The following CTNNA2 variants were observed in gnomAD, a reference collection of about 807,000 sequenced individuals.
The protein encoded by CTNNA2 is catenin alpha 2, also known as catenin alpha-2.
In CTNNA2, 42 loss-of-function variants were observed where a neutral mutation model predicts 101.0. That is an observed-to-expected ratio of 0.42 (90% confidence interval 0.32 to 0.54). CTNNA2 has a LOEUF of 0.54. Ranked by LOEUF, CTNNA2 falls within the 20% of genes least tolerant of loss-of-function variation. The probability of loss-of-function intolerance (pLI) is 0.14; values close to 1 mark genes in which losing one functional copy is unlikely to be tolerated. For synonymous variants in CTNNA2, 450 were observed against 456.4 expected, an observed-to-expected ratio of 0.99 and a Z score of 0.18; for missense variants, 871 against 1,223.1, an observed-to-expected ratio of 0.71 and a Z score of 4.29.
At chr2:79,946,983 TA>T (rs1008256677) in intron 7 of CTNNA2, among the ~76,000 whole-genome samples, 1 of 152,200 alleles carries the variant, frequency 6.6e-6, no homozygotes, top group African/African-American at 2.4e-5. Flanking sequence ...TAGGTGAAAA[TA>T]ATCAAATATC....
chr2:80,278,385 G>A lies in CTNNA2; in HGVS notation c.1057-114826G>A, dbSNP rs191776898. Reference sequence around the variant, plus strand: ...CAGCTGGAGAGTTCTGCTGATCTTGGGTGGGCTCTTTCATGTATTTGCCAC... The same window carrying A: ...CAGCTGGAGAGTTCTGCTGATCTTGAGTGGGCTCTTTCATGTATTTGCCAC... On this transcript the variant is annotated intron_variant, in intron 7 of 18. Transcript: ENST00000402739. 1.6e-3 allele frequency among the ~76,000 whole-genome samples: 248 copies of A among 152,074 alleles called. 1 individual carries two copies. Among genetic ancestry groups the A allele is most frequent in the Non-Finnish European group, 2.4e-3 (165 of 67,994 alleles).
At chr2:80,103,175 G>A (rs1178697724) in intron 7 of CTNNA2, among the ~76,000 whole-genome samples, 1 of 152,112 alleles carries the variant, frequency 6.6e-6, no homozygotes, top group Non-Finnish European at 1.5e-5. Flanking sequence ...CAGACTTGGG[G>A]GCTTAAAGAA....
At chr2:79,287,425 G>T (rs1300319419) in intron 2 of CTNNA2, among the ~76,000 whole-genome samples, 1 of 152,130 alleles carries the variant, frequency 6.6e-6, no homozygotes, top group Non-Finnish European at 1.5e-5. Context: ...ATGTACAGAT[G>T]GGTTTTTGGT....
intron 7 of CTNNA2, among the ~76,000 whole-genome samples, chr2:80,237,414 G>T (rs748366944): frequency 6.6e-6 from 1 of 152,236 alleles, no homozygotes; most frequent in South Asian, 2.1e-4. Context: ...TTCAACTTAC[G>T]ATGGGTGTAT....
At chr2:80,001,259 G>T (rs1692925751) in intron 7 of CTNNA2, among the ~76,000 whole-genome samples, 1 of 152,112 alleles carries the variant, frequency 6.6e-6, no homozygotes, top group African/African-American at 2.4e-5. Context: ...GTTCAGTGAA[G>T]GTGTCCAAAG....
At position 80,302,739 on chromosome 2, in the gene CTNNA2, G is replaced by T. The variant is rs369570241; in HGVS notation, c.1057-90472G>T. On this transcript the variant is annotated intron_variant, in intron 7 of 18. Transcript: ENST00000402739. This position sits in a 1 kb window ranked among gnomAD's most constrained non-coding sequence, Gnocchi z 6.4. Reference sequence around the variant, plus strand: ...GGCTCGGCCCCATCCTCGCACAGGTGGAAGGCGTACACGGCGTCCAGGACG... The same window carrying T: ...GGCTCGGCCCCATCCTCGCACAGGTTGAAGGCGTACACGGCGTCCAGGACG... 1 of 1,613,062 alleles carries T rather than the reference G, an allele frequency of 6.2e-7. No homozygotes were observed. The highest frequency in any genetic ancestry group is 1.3e-5 in the African/African-American group (1 of 74,940).
At chr2:79,848,155 A>G (rs968459713) in intron 3 of CTNNA2, among the ~76,000 whole-genome samples, 4 of 152,218 alleles carry the variant, frequency 2.6e-5, no homozygotes, top group Non-Finnish European at 4.4e-5. Flanking sequence ...TTGGCTGCTT[A>G]TATGCTTTAC....
At chr2:80,363,579 G>A (rs1056309045) in intron 7 of CTNNA2, among the ~76,000 whole-genome samples, 1 of 151,974 alleles carries the variant, frequency 6.6e-6, no homozygotes, top group African/African-American at 2.4e-5. Context: ...ACAAGATGTC[G>A]AATCAAAGCT....
chr2:80,196,924 C>G (rs1016790060), intron 7 of CTNNA2, among the ~76,000 whole-genome samples: 1 of 152,168 alleles, frequency 6.6e-6, no homozygotes, highest in Non-Finnish European at 1.5e-5. Context: ...GTGCCCAATC[C>G]TCCAAAGCCA....
chr2:79,674,992 A>G (rs1683086624), intron 2 of CTNNA2, among the ~76,000 whole-genome samples: 1 of 152,190 alleles, frequency 6.6e-6, no homozygotes, highest in South Asian at 2.1e-4. Context: ...TGGCTTTCTC[A>G]TTTTTAAATA....
rs560891168 is a variant in CTNNA2, at chr2:80,484,802, C to G, written c.1291-60180C>G. 3.4e-3 allele frequency among the ~76,000 whole-genome samples: 520 copies of G among 152,162 alleles called. 4 individuals carry two copies. Among genetic ancestry groups the G allele is most frequent in the African/African-American group, 0.01 (429 of 41,512 alleles). On this transcript the variant is annotated intron_variant, in intron 9 of 18. Transcript: ENST00000402739. ...CGGGCGGATCACTAGGTCCGGAGAT[C>G]GAGACCATCCTGGCTACCACGGTGA...
chr2:79,633,459 G>A (rs1238570280), intron 1 of CTNNA2, among the ~76,000 whole-genome samples: 1 of 152,118 alleles, frequency 6.6e-6, no homozygotes, highest in Non-Finnish European at 1.5e-5. Flanking sequence ...TTTTACATAG[G>A]ATAATTATGA....
intron 3 of CTNNA2, among the ~76,000 whole-genome samples, chr2:79,793,888 G>GCACACACACA (rs71385299): frequency 0.024 from 3,386 of 142,670 alleles, 115 homozygotes; most frequent in African/African-American, 0.069. Context: ...ACACACTCAT[G>GCACACACACA]CACACACACA....
At chr2:80,220,996 C>T (rs2149054116) in intron 7 of CTNNA2, among the ~76,000 whole-genome samples, 1 of 152,166 alleles carries the variant, frequency 6.6e-6, no homozygotes, top group East Asian at 1.9e-4. Flanking sequence ...ATTCTCCTGC[C>T]TCAGCCTCCC....
At chr2:79,452,648 T>C (rs1670770243) in intron 4 of CTNNA2, among the ~76,000 whole-genome samples, 1 of 151,960 alleles carries the variant, frequency 6.6e-6, no homozygotes, top group South Asian at 2.1e-4. Context: ...ATTTGGTGAG[T>C]TGCATTAATC....
At chr2:80,250,315 G>T (rs763940480) in intron 7 of CTNNA2, among the ~76,000 whole-genome samples, 8 of 151,940 alleles carry the variant, frequency 5.3e-5, no homozygotes, top group African/African-American at 1.9e-4. Context: ...AGCAGCTCAG[G>T]GGTCAAGTCT....
chr2:80,473,119 T>C (rs2149488767), intron 9 of CTNNA2, among the ~76,000 whole-genome samples: 1 of 152,286 alleles, frequency 6.6e-6, no homozygotes, highest in South Asian at 2.1e-4. Flanking sequence ...CCTGCATCCT[T>C]ATCTGAAGCT....
At chr2:80,495,939 C>CAAAAAAAAAAAAAAAAA (rs60582703) in intron 9 of CTNNA2, among the ~76,000 whole-genome samples, 2 of 35,772 alleles carry the variant, frequency 5.6e-5, no homozygotes, top group Non-Finnish European at 5.2e-5. Context: ...GACTCTGTCT[C>CAAAAAAAAAAAAAAAAA]AAAAAAAAAA....
intron 2 of CTNNA2, among the ~76,000 whole-genome samples, chr2:79,225,536 G>T (rs1380043219): frequency 2.6e-5 from 4 of 152,130 alleles, no homozygotes; most frequent in African/African-American, 7.2e-5. Flanking sequence ...AGGAGTTTAT[G>T]TTCTTAACAT....
Sources: allele counts gnomAD v4.1 joint callset (sites outside exome capture counted in the v4.1 genomes callset), GRCh38; gene constraint gnomAD v4.1.1; non-coding constraint Gnocchi (gnomAD v3.1); transcripts MANE v1.5; gene names NCBI Gene and HGNC (gene_info 2026-07-23, HGNC 2026-07-21).